ARHGEF12: variants seen among roughly 807,000 people sequenced by gnomAD.
ARHGEF12 encodes Rho guanine nucleotide exchange factor 12.
A neutral mutation model predicts 211.2 loss-of-function variants in ARHGEF12; 66 were observed. That is an observed-to-expected ratio of 0.31 (90% CI 0.26 to 0.38). The LOEUF (loss-of-function observed/expected upper bound fraction) is 0.38, where lower values mean the gene tolerates loss of function less well. Ranked by LOEUF, ARHGEF12 falls within the 10% of genes least tolerant of loss-of-function variation. The probability of loss-of-function intolerance (pLI) is 1.00; values close to 1 mark genes in which losing one functional copy is unlikely to be tolerated. For missense variants in ARHGEF12, 1,429 were observed against 1,869.5 expected, an observed-to-expected ratio of 0.76 and a Z score of 4.34; for synonymous variants, 592 against 638.4, an observed-to-expected ratio of 0.93 and a Z score of 1.09.
At position 120,465,245 on chromosome 11, in the gene ARHGEF12, A is replaced by G; in HGVS notation, c.2622A>G (p.Gly874=). ...IGEDLLTWFS[G]PGEEKLKHAA... is the part of the protein sequence containing the mutation. The stretch of plus-strand genomic sequence containing the variant: ...TTGCATTCTTGGCACAGTTCAGCGG[A>G]CCAGGAGAGGAGAAATTGAAACATG... Residue 874 remains glycine (G), a synonymous_variant, in exon 28 of 41, where the codon GGA becomes GGG. Coordinates refer to ENST00000397843, the MANE Select transcript of ARHGEF12 (RefSeq NM_015313.3). 1 of 1,614,138 alleles carries G rather than the reference A, an allele frequency of 6.2e-7. No homozygotes were observed. Among genetic ancestry groups the G allele is most frequent in the Non-Finnish European group, 8.5e-7 (1 of 1,180,024 alleles).
rs1305378029 is a variant in ARHGEF12, at chr11:120,489,112, C to T, written c.*4035C>T. ...TAGAAAAGTTGAGGAGTCGAGGAGCCTGTAATTAATTTTCCTGTCAGTGAC... is the reference window on the plus strand; with the variant it reads ...TAGAAAAGTTGAGGAGTCGAGGAGCTTGTAATTAATTTTCCTGTCAGTGAC... On this transcript the variant is annotated 3_prime_UTR_variant, in exon 41 of 41. Coordinates refer to ENST00000397843, the MANE Select transcript of ARHGEF12 (RefSeq NM_015313.3). 4.4e-6 allele frequency: 1 copy of T among 225,516 alleles called. No individual in the cohort carries two copies. Among genetic ancestry groups the T allele is most frequent in the African/African-American group, 2.2e-5 (1 of 44,916 alleles). 14.0% of individuals were successfully genotyped at this position (225,516 alleles called of 1,614,324 possible). A position where few individuals can be genotyped will look rare whatever the true frequency, so the allele number is the denominator to read the frequency against.
Position 120,485,507 on chromosome 11 carries a change from T to C in ARHGEF12, c.*430T>C, listed in dbSNP as rs1483077963. On this transcript the variant is annotated 3_prime_UTR_variant, in exon 41 of 41. Transcript: ENST00000397843. ...TTGAGTAGTGAGAGTTTTAGACCTT[T>C]GTCTTTAGTACACCCAAGGATCAAC... 2 of 243,026 alleles carry C rather than the reference T, an allele frequency of 8.2e-6. No homozygotes were observed. The allele number at this position is 243,026 out of a possible 1,614,324, so 15.1% of individuals were successfully genotyped here. A position where few individuals can be genotyped will look rare whatever the true frequency, so the allele number is the denominator to read the frequency against.
intron 1 of ARHGEF12, among the ~76,000 whole-genome samples, chr11:120,358,149 G>A (rs1270686344): frequency 6.6e-6 from 1 of 152,036 alleles, no homozygotes; most frequent in South Asian, 2.1e-4. Context: ...CGTGAAGAAA[G>A]GATTAGTCTT....
At chr11:120,337,323 C>T in intron 1 of ARHGEF12, 48 bp downstream of exon 1, 1 of 1,612,938 alleles carries the variant, frequency 6.2e-7, no homozygotes. Context: ...TCGGGCCCGA[C>T]CTAGCAGGGG....
Position 120,407,589 on chromosome 11 carries a change from T to G in ARHGEF12, c.57-149T>G, listed in dbSNP as rs917976171. 45 of 550,406 alleles carry G rather than the reference T, an allele frequency of 8.2e-5. No homozygotes were observed. The South Asian group carries it at 1.4e-3, about 17-fold the overall frequency. The allele number at this position is 550,406 out of a possible 1,614,324, so 34.1% of individuals were successfully genotyped here. A position where few individuals can be genotyped will look rare whatever the true frequency, so the allele number is the denominator to read the frequency against. On this transcript the variant is annotated intron_variant, in intron 2 of 40. Coordinates refer to ENST00000397843, the MANE Select transcript of ARHGEF12 (RefSeq NM_015313.3). ...ATAGACTGTGTATAACCAAAACTTA[T>G]TGAAAAATGTAAATTAGAGAGGCTT...
intron 30 of ARHGEF12, among the ~76,000 whole-genome samples, chr11:120,470,274 T>C (rs943875864): frequency 2.0e-5 from 3 of 152,222 alleles, no homozygotes; most frequent in Non-Finnish European, 2.9e-5. Flanking sequence ...TTTATTAACC[T>C]CTTGCAGCAA....
intron 1 of ARHGEF12, among the ~76,000 whole-genome samples, chr11:120,350,815 A>C (rs1942911913): frequency 6.6e-6 from 1 of 152,180 alleles, no homozygotes. Flanking sequence ...CACTACTTGA[A>C]GGAGAACCTC....
intron 1 of ARHGEF12, among the ~76,000 whole-genome samples, chr11:120,373,682 CTA>C (rs1448097691): frequency 6.6e-6 from 1 of 151,670 alleles, no homozygotes; most frequent in Non-Finnish European, 1.5e-5. Context: ...TTTCACCTTT[CTA>C]TGTTTTTTTC....
At position 120,487,478 on chromosome 11, in the gene ARHGEF12, G is replaced by A. The variant is rs1220512897; in HGVS notation, c.*2401G>A. 3 of 216,088 alleles carry A rather than the reference G, an allele frequency of 1.4e-5. No homozygotes were observed. Among genetic ancestry groups the A allele is most frequent in the South Asian group, 1.9e-4 (1 of 5,378 alleles). The allele number at this position is 216,088 out of a possible 1,614,324, so 13.4% of individuals were successfully genotyped here. The stretch of plus-strand genomic sequence containing the variant: ...TCCCTCCCAACTTGGCCTCCCACAC[G>A]TTCCATTTCATTTTGGCCATTATAG... On this transcript the variant is annotated 3_prime_UTR_variant, in exon 41 of 41. Transcript: ENST00000397843.
intron 4 of ARHGEF12, chr11:120,410,116 C>G (rs1340428108): frequency 1.3e-5 from 2 of 152,100 alleles, no homozygotes; most frequent in African/African-American, 4.8e-5. Flanking sequence ...GCAAGTTTAA[C>G]CTGAGTGGTC....
chr11:120,442,685 T>G (rs1161324111), intron 15 of ARHGEF12, among the ~76,000 whole-genome samples: 2 of 152,154 alleles, frequency 1.3e-5, no homozygotes, highest in Admixed American at 1.3e-4. Context: ...ATTTTGTCAT[T>G]AAAAGTGTTA....
intron 1 of ARHGEF12, among the ~76,000 whole-genome samples, chr11:120,364,816 A>AT (rs59126463): frequency 0.21 from 27,781 of 132,412 alleles, 3,315 homozygotes; most frequent in Non-Finnish European, 0.23. Flanking sequence ...ACATGTACCA[A>AT]TTTTTTTTTT....
intron 26 of ARHGEF12, among the ~76,000 whole-genome samples, 166 bp from the exon 27 acceptor site, chr11:120,460,506 C>T (rs942636552): frequency 6.6e-6 from 1 of 151,762 alleles, no homozygotes; most frequent in Non-Finnish European, 1.5e-5. Context: ...TTATAATATC[C>T]AGATGTGTAA....
chr11:120,477,176 T>TA (rs201069558), intron 34 of ARHGEF12, 43 bp from the exon 35 acceptor site: 1 of 1,539,452 alleles, frequency 6.5e-7, no homozygotes, highest in East Asian at 2.3e-5. Context: ...GGATATTTCT[T>TA]TTTTCTTTTT....
At chr11:120,341,283 C>T (rs1429108771) in intron 1 of ARHGEF12, among the ~76,000 whole-genome samples, 1 of 52,656 alleles carries the variant, frequency 1.9e-5, no homozygotes. Context: ...GTCTTGAACT[C>T]CTGACCTTAG....
intron 1 of ARHGEF12, among the ~76,000 whole-genome samples, chr11:120,376,607 G>A (rs1392623542): frequency 6.6e-6 from 1 of 152,144 alleles, no homozygotes; most frequent in Middle Eastern, 3.4e-3. Flanking sequence ...TAAGGTAAAT[G>A]GGGTATCTAT....
rs1281435267 is a variant in ARHGEF12 at position 120,446,612 on chromosome 11, A to G, written c.1451+104A>G. 17 of 829,680 alleles carry G rather than the reference A, an allele frequency of 2.0e-5. No individual in the cohort carries two copies. The South Asian group carries it at 2.4e-4, about 12-fold the overall frequency. The allele number at this position is 829,680 out of a possible 1,614,324, so 51.4% of individuals were successfully genotyped here. A position where few individuals can be genotyped will look rare whatever the true frequency, so the allele number is the denominator to read the frequency against. On this transcript the variant is annotated intron_variant, in intron 17 of 40. Coordinates refer to ENST00000397843, the MANE Select transcript of ARHGEF12 (RefSeq NM_015313.3). ...TACTTAGCTTAGCACTAGATAAACC[A>G]TATGGTCTTATTGTTATTAAAACAT...
chr11:120,460,633 G>A (rs370759569), intron 26 of ARHGEF12, 39 bp from the exon 27 acceptor site: 26 of 1,559,900 alleles, frequency 1.7e-5, no homozygotes, highest in Non-Finnish European at 2.1e-5. Context: ...TGTCTACACT[G>A]AATGTGTTAC....
chr11:120,369,153 G>C (rs1462254435), intron 1 of ARHGEF12, among the ~76,000 whole-genome samples: 2 of 137,944 alleles, frequency 1.4e-5, no homozygotes, highest in Non-Finnish European at 3.1e-5. Flanking sequence ...TTCTGTGACA[G>C]GGTCTTACTC....
Sources: gnomAD v4.1 joint callset for allele counts (sites outside exome capture counted in the v4.1 genomes callset) on GRCh38, gnomAD v4.1.1 for gene constraint, MANE v1.5 for transcripts, NCBI Gene and HGNC (gene_info 2026-07-23, HGNC 2026-07-21) for gene names.